PRKG1: variants seen among roughly 807,000 people sequenced by gnomAD.
PRKG1 encodes protein kinase cGMP-dependent 1.
Under a neutral mutation model 88.1 loss-of-function variants are expected in PRKG1, and 35 were observed. That is an observed-to-expected ratio of 0.40 (90% confidence interval 0.30 to 0.53). The LOEUF is 0.53. PRKG1 is among the 20% of genes least tolerant of loss of function. The pLI, the probability that PRKG1 is intolerant of heterozygous loss-of-function variation, is 0.59. For missense variants in PRKG1, 540 were observed against 839.8 expected, an observed-to-expected ratio of 0.64 and a Z score of 4.41; for synonymous variants, 303 against 292.5, an observed-to-expected ratio of 1.04 and a Z score of -0.37.
intron 1 of PRKG1, among the ~76,000 whole-genome samples, chr10:51,061,594 C>T (rs575349722): frequency 3.3e-5 from 5 of 152,264 alleles, no homozygotes; most frequent in African/African-American, 1.2e-4. Flanking sequence ...CCTTTCGAGA[C>T]TCCAATTATA....
chr10:51,330,104 CTTTT>C (rs758017985), intron 2 of PRKG1, among the ~76,000 whole-genome samples: 7 of 119,004 alleles, frequency 5.9e-5, no homozygotes, highest in African/African-American at 1.9e-4. Context: ...TACATTTGCT[CTTTT>C]ATTTATTTAT....
At chr10:52,250,094 A>C (rs1479522395) in intron 9 of PRKG1, among the ~76,000 whole-genome samples, 1 of 152,130 alleles carries the variant, frequency 6.6e-6, no homozygotes, top group Non-Finnish European at 1.5e-5. Flanking sequence ...CAAAAGTAGC[A>C]AGCCAGCTGG....
At chr10:51,497,165 T>C (rs940828174) in intron 3 of PRKG1, among the ~76,000 whole-genome samples, 2 of 152,198 alleles carry the variant, frequency 1.3e-5, no homozygotes, top group African/African-American at 2.4e-5. Context: ...AGTTTCATTA[T>C]TGGGATAAAA....
intron 2 of PRKG1, among the ~76,000 whole-genome samples, chr10:51,226,941 A>G (rs1345840381): frequency 1.3e-5 from 2 of 152,104 alleles, no homozygotes; most frequent in Admixed American, 1.3e-4. Flanking sequence ...TCCCAGCAAC[A>G]ATTGGACAAG....
At chr10:52,266,176 A>G (rs575463400) in intron 10 of PRKG1, among the ~76,000 whole-genome samples, 1 of 139,954 alleles carries the variant, frequency 7.1e-6, no homozygotes, top group East Asian at 2.1e-4. Context: ...TAATGAACCA[A>G]TATTAATGCT....
At chr10:52,067,066 G>A (rs1310806464) in intron 7 of PRKG1, among the ~76,000 whole-genome samples, 1 of 151,882 alleles carries the variant, frequency 6.6e-6, no homozygotes, top group East Asian at 1.9e-4. Context: ...CCAACATTTC[G>A]CAAATCAAAT....
At chr10:52,280,243 T>C (rs1841972537) in intron 12 of PRKG1, among the ~76,000 whole-genome samples, 1 of 152,180 alleles carries the variant, frequency 6.6e-6, no homozygotes, top group South Asian at 2.1e-4. Context: ...GCTTGCATTA[T>C]GATTGCATCA....
At position 51,779,317 on chromosome 10, in the gene PRKG1, C is replaced by T. The variant is rs558791101; in HGVS notation, c.593-25268C>T. Among the ~76,000 whole-genome samples, 24 of 152,170 alleles carry T rather than the reference C, an allele frequency of 1.6e-4. 1 individual carries two copies. The South Asian group carries it at 4.6e-3, about 29-fold the overall frequency. On this transcript the variant is annotated intron_variant, in intron 3 of 17. Transcript: ENST00000373980. ...GTCCTTTGTCTTAGGCAGCAATACA[C>T]GAATTTTTCCTTGTGGGTCCCCTGT...
intron 3 of PRKG1, among the ~76,000 whole-genome samples, chr10:51,769,478 T>C (rs1238962504): frequency 6.6e-6 from 1 of 152,212 alleles, no homozygotes; most frequent in Non-Finnish European, 1.5e-5. Flanking sequence ...GAGAGGATTC[T>C]TGCCACTGTA....
At chr10:51,813,890 A>C (rs57216926) in intron 4 of PRKG1, among the ~76,000 whole-genome samples, 1 of 152,148 alleles carries the variant, frequency 6.6e-6, no homozygotes, top group Non-Finnish European at 1.5e-5. Flanking sequence ...TCTCAAAAAA[A>C]TGCTCAGTAA....
At chr10:51,074,400 G>T, upstream of PRKG1, 2 of 1,398,080 alleles carry the variant, frequency 1.4e-6, no homozygotes, top group Non-Finnish European at 1.9e-6. Flanking sequence ...AGTGGAATCT[G>T]CACTGAAACT....
At chr10:51,208,967 T>C (rs771335980) in intron 2 of PRKG1, among the ~76,000 whole-genome samples, 1 of 152,212 alleles carries the variant, frequency 6.6e-6, no homozygotes, top group Non-Finnish European at 1.5e-5. Context: ...TTGTGACTTA[T>C]AAACACTGCA....
At chr10:52,239,166 T>A (rs1213742509) in intron 9 of PRKG1, among the ~76,000 whole-genome samples, 126 of 86,740 alleles carry the variant, frequency 1.5e-3, no homozygotes, top group African/African-American at 5.2e-3. Flanking sequence ...CTCTGGGGAC[T>A]GTGGTGGGGT....
intron 3 of PRKG1, among the ~76,000 whole-genome samples, chr10:51,791,208 G>C (rs941670108): frequency 1.3e-5 from 2 of 152,046 alleles, no homozygotes; most frequent in African/African-American, 4.8e-5. Flanking sequence ...TATAAATAAA[G>C]AGGAAAAGTA....
chr10:51,874,401 A>T (rs1347571808), intron 4 of PRKG1, among the ~76,000 whole-genome samples: 2 of 152,268 alleles, frequency 1.3e-5, no homozygotes, highest in Non-Finnish European at 2.9e-5. Context: ...GCCGAGAAGT[A>T]GTAGTACAGA....
At chr10:51,805,022 A>T (rs1839268062) in intron 4 of PRKG1, among the ~76,000 whole-genome samples, 1 of 152,098 alleles carries the variant, frequency 6.6e-6, no homozygotes, top group African/African-American at 2.4e-5. Flanking sequence ...AGTGTGCTTG[A>T]ACAAAAAAGG....
At chr10:51,967,890 T>G (rs938476680) in intron 5 of PRKG1, among the ~76,000 whole-genome samples, 1 of 152,170 alleles carries the variant, frequency 6.6e-6, no homozygotes, top group Admixed American at 6.5e-5. Context: ...TCTCAGTTCA[T>G]CACCTGCTTT....
At chr10:51,556,694 G>A (rs1037564085) in intron 3 of PRKG1, among the ~76,000 whole-genome samples, 10 of 151,948 alleles carry the variant, frequency 6.6e-5, no homozygotes, top group African/African-American at 2.2e-4. Context: ...CATAAAGATG[G>A]CAACGATAGA....
chr10:51,446,691 G>C (rs989778840), intron 2 of PRKG1, among the ~76,000 whole-genome samples: 1 of 151,956 alleles, frequency 6.6e-6, no homozygotes, highest in African/African-American at 2.4e-5. Flanking sequence ...TCATCCTTTC[G>C]TTCAGGTTCT....
Sources: allele counts gnomAD v4.1 joint callset (sites outside exome capture counted in the v4.1 genomes callset), GRCh38; gene constraint gnomAD v4.1.1; transcripts MANE v1.5; gene names NCBI Gene and HGNC (gene_info 2026-07-23, HGNC 2026-07-21).